Variants in PI4K2A observed in about 807,000 individuals in gnomAD.
PI4K2A encodes the protein phosphatidylinositol 4-kinase type 2 alpha, also known as phosphatidylinositol 4-kinase type 2-alpha.
PI4K2A carries 20 observed loss-of-function variants against 55.0 expected under a neutral mutation model. The ratio of observed to expected loss-of-function variants is 0.36; its 90% CI spans 0.26 to 0.53. The LOEUF (loss-of-function observed/expected upper bound fraction) is 0.53. PI4K2A is among the 20% of genes least tolerant of loss of function. The pLI, the probability that PI4K2A is intolerant of heterozygous loss-of-function variation, is 0.91. For missense variants in PI4K2A, 463 were observed against 637.1 expected, an observed-to-expected ratio of 0.73 and a Z score of 2.94; for synonymous variants, 235 against 258.5, an observed-to-expected ratio of 0.91 and a Z score of 0.87.
Position 97,648,092 on chromosome 10 carries a change from A to ATTTTTTTTTTTT in PI4K2A, c.436-2840_436-2829dup, listed in dbSNP as rs11332690. ...AGGTGCATACCACCACACTTAGCTA[A>ATTTTTTTTTTTT]TTTTTTTTTTTTTTTTTTTTGAGAT... On this transcript the variant is annotated intron_variant, in intron 1 of 8. Transcript: ENST00000370631. Among the ~76,000 whole-genome samples, 325 of 120,598 alleles carry ATTTTTTTTTTTT rather than the reference A, an allele frequency of 2.7e-3. 1 individual carries two copies. The highest frequency in any genetic ancestry group is 4.3e-3 in the Non-Finnish European group (253 of 59,386). 79.1% of individuals were successfully genotyped at this position (120,598 alleles called of 152,430 possible).
At chr10:97,653,608 G>A (rs1175993969) in intron 2 of PI4K2A, among the ~76,000 whole-genome samples, 4 of 152,180 alleles carry the variant, frequency 2.6e-5, no homozygotes, top group Non-Finnish European at 4.4e-5. Flanking sequence ...GCATCAGAAA[G>A]TCAGCAACAA....
chr10:97,643,662 A>G (rs1469454467), intron 1 of PI4K2A, among the ~76,000 whole-genome samples: 1 of 152,194 alleles, frequency 6.6e-6, no homozygotes, highest in East Asian at 1.9e-4. Flanking sequence ...TGACGTACTC[A>G]TACTGCTTCC....
chr10:97,642,863 CTTTTTCTTTCTTT>C (rs2041481985), intron 1 of PI4K2A, among the ~76,000 whole-genome samples: 1 of 76,976 alleles, frequency 1.3e-5, no homozygotes, highest in African/African-American at 7.4e-5. Flanking sequence ...TTCTTTCTTT[CTTTTTCTTTCTTT>C]CTTTCTTTCT....
intron 2 of PI4K2A, among the ~76,000 whole-genome samples, chr10:97,653,724 C>T (rs1165242275): frequency 6.6e-6 from 1 of 152,204 alleles, no homozygotes; most frequent in Non-Finnish European, 1.5e-5. Flanking sequence ...CGAGACCAGC[C>T]TGGCCAACAG....
intron 5 of PI4K2A, among the ~76,000 whole-genome samples, chr10:97,663,724 A>G (rs1258047051): frequency 1.3e-5 from 2 of 149,950 alleles, no homozygotes; most frequent in South Asian, 4.2e-4. Flanking sequence ...GGAGGCTGAG[A>G]CTCGAGAATG....
chr10:97,656,461 A>G lies in PI4K2A; in HGVS notation c.768+45A>G, dbSNP rs1337944356. 1 of 1,590,882 alleles carries G rather than the reference A, an allele frequency of 6.3e-7. No individual in the cohort carries two copies. The highest frequency in any genetic ancestry group is 8.6e-7 in the Non-Finnish European group (1 of 1,161,380). ...TTATCAAGGGTCATGATTTATAGTGACATAGTCATCCAAGTGGTGAAGCAA... is the reference window on the plus strand; with the variant it reads ...TTATCAAGGGTCATGATTTATAGTGGCATAGTCATCCAAGTGGTGAAGCAA... On this transcript the variant is annotated intron_variant, in intron 3 of 8. Coordinates refer to ENST00000370631, the Ensembl canonical transcript of PI4K2A. This position sits in a 1 kb window ranked among gnomAD's most constrained non-coding sequence, Gnocchi z 4.5.
At chr10:97,655,553 A>T (rs937977637) in intron 2 of PI4K2A, among the ~76,000 whole-genome samples, 1 of 151,870 alleles carries the variant, frequency 6.6e-6, no homozygotes, top group African/African-American at 2.4e-5. Context: ...GTGGTTTAAT[A>T]CAATTGGATT....
chr10:97,668,357 C>T (rs2041619607), intron 8 of PI4K2A, among the ~76,000 whole-genome samples: 1 of 152,196 alleles, frequency 6.6e-6, no homozygotes, highest in African/African-American at 2.4e-5. Context: ...GTGGGCAGAT[C>T]ACTTGAGCTA....
intron 8 of PI4K2A, among the ~76,000 whole-genome samples, chr10:97,670,244 G>A (rs1384407319): frequency 6.6e-6 from 1 of 152,094 alleles, no homozygotes; most frequent in African/African-American, 2.4e-5. Context: ...TTATGTGACT[G>A]CTATAATTTT....
chr10:97,651,187 T>C (rs1401657489), intron 2 of PI4K2A, 46 bp downstream of exon 2: 1 of 1,451,498 alleles, frequency 6.9e-7, no homozygotes. Flanking sequence ...GCCACAGTTT[T>C]CCTGGGGCCT....
intron 4 of PI4K2A, among the ~76,000 whole-genome samples, chr10:97,658,508 A>G (rs1257339848): frequency 2.0e-5 from 3 of 152,228 alleles, no homozygotes; most frequent in Non-Finnish European, 2.9e-5. Context: ...GGGTGTACAA[A>G]TATCTCTTCA....
chr10:97,672,292 C>T (rs746190775), intron 8 of PI4K2A, among the ~76,000 whole-genome samples: 8 of 152,106 alleles, frequency 5.3e-5, no homozygotes, highest in South Asian at 2.1e-4. Context: ...CTGCCCACCT[C>T]GGCCTCCCAA....
intron 8 of PI4K2A, 42 bp downstream of exon 8, chr10:97,667,162 G>A (rs758500705): frequency 6.9e-7 from 1 of 1,450,468 alleles, no homozygotes; most frequent in African/African-American, 1.4e-5. Context: ...GCGTCTCTGG[G>A]AGTGTTGTGT....
In PI4K2A at chr10:97,642,921, C is replaced by CT. The variant is rs1246605235; in HGVS notation, c.435+1746dup. 6.4e-3 allele frequency among the ~76,000 whole-genome samples: 820 copies of CT among 128,700 alleles called. 34 individuals carry two copies. Among genetic ancestry groups the CT allele is most frequent in the Non-Finnish European group, 9.6e-3 (596 of 62,108 alleles). 84.4% of individuals were successfully genotyped at this position (128,700 alleles called of 152,430 possible). The stretch of plus-strand genomic sequence containing the variant: ...CCTTCCTTCCTTCCTTCCTTCCTTC[C>CT]TTCCTTTCTTTCCTTTCTTTCTTTC... On this transcript the variant is annotated intron_variant, in intron 1 of 8. Coordinates refer to ENST00000370631, the Ensembl canonical transcript of PI4K2A.
At chr10:97,661,156 T>C (rs12259432) in intron 4 of PI4K2A, among the ~76,000 whole-genome samples, 8,614 of 151,974 alleles carry the variant, frequency 0.057, 556 homozygotes, top group East Asian at 0.15. Context: ...CACACCCGGC[T>C]AATTTTTTGT....
chr10:97,673,855 C>T (rs995178841), exon 9 of PI4K2A: 54 of 913,222 alleles, frequency 5.9e-5, no homozygotes, highest in Non-Finnish European at 9.1e-5. Flanking sequence ...TAAGAGCCCT[C>T]TCTCTCTGCT....
intron 8 of PI4K2A, 30 bp downstream of exon 8, chr10:97,667,150 T>C (rs2041613289): frequency 6.5e-7 from 1 of 1,529,604 alleles, no homozygotes; most frequent in Non-Finnish European, 9.1e-7. Context: ...CCAGTATCTT[T>C]GGCGTCTCTG....
Position 97,673,242 on chromosome 10 carries a change from C to T in PI4K2A, c.1279-339C>T, listed in dbSNP as rs1265452015. Reference sequence around the variant, plus strand: ...CTGACCTCAAGTGATCTACCTGCCTCAGCCTCCCAAAGTGCTGGGATTACA... The same window carrying T: ...CTGACCTCAAGTGATCTACCTGCCTTAGCCTCCCAAAGTGCTGGGATTACA... On this transcript the variant is annotated intron_variant, in intron 8 of 8. Coordinates refer to ENST00000370631, the Ensembl canonical transcript of PI4K2A. Among the ~76,000 whole-genome samples, 10 of 152,282 alleles carry T rather than the reference C, an allele frequency of 6.6e-5. No homozygotes were observed. The South Asian group carries it at 1.9e-3, about 28-fold the overall frequency.
chr10:97,647,134 G>A (rs2041508877), intron 1 of PI4K2A, among the ~76,000 whole-genome samples: 1 of 152,074 alleles, frequency 6.6e-6, no homozygotes, highest in Non-Finnish European at 1.5e-5. Flanking sequence ...ATGGCCTCTT[G>A]CTTTCTTGTG....
Sources: gnomAD v4.1 joint callset for allele counts (sites outside exome capture counted in the v4.1 genomes callset) on GRCh38, gnomAD v4.1.1 for gene constraint, Gnocchi (gnomAD v3.1) non-coding constraint, MANE v1.5 for transcripts, NCBI Gene and HGNC (gene_info 2026-07-23, HGNC 2026-07-21) for gene names.